Variants in RGS6 observed in about 807,000 individuals in gnomAD.
The protein encoded by RGS6 is regulator of G-protein signaling 6.
A neutral mutation model predicts 78.5 loss-of-function variants in RGS6; 30 were observed. The observed-to-expected ratio is 0.38, with a 90% confidence interval of 0.29 to 0.52. The LOEUF (loss-of-function observed/expected upper bound fraction) is 0.52, where lower values mean the gene tolerates loss of function less well. Among genes scored for constraint, RGS6 ranks in the 20% least tolerant of loss-of-function variants. RGS6 has a pLI of 0.85. For missense variants in RGS6, 495 were observed against 609.7 expected, an observed-to-expected ratio of 0.81 and a Z score of 1.98; for synonymous variants, 206 against 206.0, an observed-to-expected ratio of 1.00 and a Z score of 0.00.
intron 2 of RGS6, among the ~76,000 whole-genome samples, chr14:72,067,388 G>T (rs866829280): frequency 2.0e-5 from 3 of 152,118 alleles, no homozygotes; most frequent in African/African-American, 7.2e-5. Flanking sequence ...TAGATAATAG[G>T]TTGATGGGTG....
rs2097704619 is a variant in RGS6 at position 72,565,215 on chromosome 14, A to C, written c.*2748A>C. Reference sequence around the variant, plus strand: ...GTCTCTGGGCCTAGGACTCCTCCCTATGAGGAAAAGTGCTCTCCAGCCACA... The same window carrying C: ...GTCTCTGGGCCTAGGACTCCTCCCTCTGAGGAAAAGTGCTCTCCAGCCACA... On this transcript the variant is annotated 3_prime_UTR_variant, in exon 18 of 18. Transcript: ENST00000553525. The C allele has an allele frequency of 6.6e-6, 1 of 150,490 alleles. No individual in the cohort carries two copies. The highest frequency in any genetic ancestry group is 1.5e-5 in the Non-Finnish European group (1 of 67,324). The allele number at this position is 150,490 out of a possible 1,614,324, so 9.3% of individuals were successfully genotyped here.
At chr14:72,494,399 C>T (rs755730540) in intron 12 of RGS6, among the ~76,000 whole-genome samples, 15 of 151,622 alleles carry the variant, frequency 9.9e-5, no homozygotes, top group Non-Finnish European at 1.6e-4. Flanking sequence ...GATATAAAAG[C>T]GTATAATTTA....
chr14:72,161,556 T>C (rs1215985534), intron 2 of RGS6, among the ~76,000 whole-genome samples: 1 of 152,136 alleles, frequency 6.6e-6, no homozygotes, highest in East Asian at 1.9e-4. Context: ...AGAGCCAGTC[T>C]TGGATGAGGC....
chr14:71,902,916 A>T, the RGS6 span, among the ~76,000 whole-genome samples: 1 of 152,258 alleles, frequency 6.6e-6, no homozygotes, highest in Non-Finnish European at 1.5e-5. Flanking sequence ...AGCACAGGGC[A>T]GGTGATGTGT....
At chr14:72,300,292 A>AT (rs1048845708) in intron 2 of RGS6, among the ~76,000 whole-genome samples, 3 of 152,212 alleles carry the variant, frequency 2.0e-5, no homozygotes, top group Non-Finnish European at 4.4e-5. Flanking sequence ...CAATTTATAG[A>AT]TAAAAAAATG....
chr14:72,341,689 A>T (rs1158679415), intron 2 of RGS6, among the ~76,000 whole-genome samples: 1 of 152,202 alleles, frequency 6.6e-6, no homozygotes, highest in Non-Finnish European at 1.5e-5. Flanking sequence ...CTTGAATTCC[A>T]TAGTAGGGAA....
At chr14:71,915,405 G>A in the RGS6 span, among the ~76,000 whole-genome samples, 4 of 152,138 alleles carry the variant, frequency 2.6e-5, no homozygotes, top group Admixed American at 6.5e-5. Context: ...TGTAGCAGAC[G>A]AATTTTGTGT....
chr14:72,448,117 C>A (rs1235980255), intron 3 of RGS6, among the ~76,000 whole-genome samples: 2 of 152,204 alleles, frequency 1.3e-5, no homozygotes, highest in African/African-American at 2.4e-5. Flanking sequence ...CAGCACTTCA[C>A]CCTAGTTGAC....
At chr14:72,375,994 A>G (rs1296315430) in intron 3 of RGS6, among the ~76,000 whole-genome samples, 3 of 152,240 alleles carry the variant, frequency 2.0e-5, no homozygotes, top group Non-Finnish European at 4.4e-5. Context: ...AAGGAACACA[A>G]TAATTCCCTA....
intron 2 of RGS6, among the ~76,000 whole-genome samples, chr14:72,221,627 G>T (rs2046889842): frequency 6.6e-6 from 1 of 152,024 alleles, no homozygotes; most frequent in Non-Finnish European, 1.5e-5. Context: ...TGTAATTAAT[G>T]GAAGGGAAAC....
chr14:72,334,107 C>G (rs2075576602), intron 2 of RGS6, among the ~76,000 whole-genome samples: 1 of 152,230 alleles, frequency 6.6e-6, no homozygotes, highest in Non-Finnish European at 1.5e-5. Flanking sequence ...CAGGAGAATT[C>G]TGAAGCCAGC....
chr14:72,407,829 C>G (rs1247734893), intron 3 of RGS6, among the ~76,000 whole-genome samples: 1 of 152,180 alleles, frequency 6.6e-6, no homozygotes, highest in Non-Finnish European at 1.5e-5. Context: ...ACTACTGTTG[C>G]TTTCTTGACT....
chr14:72,558,476 A>ATGCT (rs1342423857), intron 17 of RGS6, among the ~76,000 whole-genome samples: 1 of 152,218 alleles, frequency 6.6e-6, no homozygotes, highest in Non-Finnish European at 1.5e-5. Flanking sequence ...CAGATAGTGC[A>ATGCT]TGCTTTGTTG....
intron 2 of RGS6, among the ~76,000 whole-genome samples, chr14:72,329,329 A>G (rs1208961222): frequency 3.9e-5 from 6 of 152,270 alleles, no homozygotes; most frequent in East Asian, 1.9e-4. Context: ...TTGAGGGACA[A>G]TAAACCAGAT....
chr14:72,077,369 C>T (rs2094617404), intron 2 of RGS6, among the ~76,000 whole-genome samples: 1 of 152,032 alleles, frequency 6.6e-6, no homozygotes, highest in African/African-American at 2.4e-5. Flanking sequence ...AATATTCTCT[C>T]ATGTTTTCTA....
At chr14:72,285,843 C>T (rs1422314852) in intron 2 of RGS6, among the ~76,000 whole-genome samples, 2 of 152,088 alleles carry the variant, frequency 1.3e-5, no homozygotes, top group African/African-American at 2.4e-5. Context: ...AGTCATTTGC[C>T]CATTTTTAAA....
chr14:72,013,243 C>T (rs968880441), intron 2 of RGS6, among the ~76,000 whole-genome samples: 11 of 133,556 alleles, frequency 8.2e-5, no homozygotes, highest in African/African-American at 3.2e-4. Context: ...TGCACTCCAG[C>T]CTAGGTGACA....
intron 1 of RGS6, among the ~76,000 whole-genome samples, chr14:71,943,056 C>T (rs746447761): frequency 4.5e-4 from 69 of 152,216 alleles, no homozygotes; most frequent in Non-Finnish European, 4.0e-4. Flanking sequence ...ATGCATTCTA[C>T]AAAGCCAGCT....
At chr14:72,519,975 G>T (rs1467051938) in intron 15 of RGS6, among the ~76,000 whole-genome samples, 2 of 152,058 alleles carry the variant, frequency 1.3e-5, no homozygotes. Context: ...TTAACACTTG[G>T]AAAAGTGGAA....
Sources: allele counts gnomAD v4.1 joint callset (sites outside exome capture counted in the v4.1 genomes callset), GRCh38; gene constraint gnomAD v4.1.1; transcripts MANE v1.5; gene names NCBI Gene and HGNC (gene_info 2026-07-23, HGNC 2026-07-21).